The following CSMD1 variants were observed in gnomAD, a reference collection of about 807,000 sequenced individuals.
CSMD1 encodes the protein CUB and sushi domain-containing protein 1.
CSMD1 carries 213 observed loss-of-function variants against 417.5 expected under a neutral mutation model. The ratio of observed to expected loss-of-function variants is 0.51; its 90% CI spans 0.46 to 0.57. The LOEUF is 0.57. CSMD1 is among the 20% of genes least tolerant of loss of function. CSMD1 has a pLI of 0.00. For synonymous variants in CSMD1, 2,862 were observed against 1,736.8 expected (o/e 1.65, Z -16.11); for missense variants, 6,923 against 4,529.7 (o/e 1.53, Z -15.17).
intron 3 of CSMD1, among the ~76,000 whole-genome samples, chr8:4,102,670 A>C (rs757217969): frequency 1.1e-4 from 17 of 152,184 alleles, no homozygotes; most frequent in Non-Finnish European, 2.1e-4. Context: ...TAAATACTCC[A>C]ATATTCAGGA....
intron 26 of CSMD1, among the ~76,000 whole-genome samples, chr8:3,256,955 A>G (rs914213237): frequency 3.3e-5 from 5 of 152,262 alleles, no homozygotes; most frequent in African/African-American, 1.2e-4. Context: ...AAACTCAGTA[A>G]ATTGAGAAGA....
At chr8:3,374,731 T>A (rs1159962257) in intron 18 of CSMD1, among the ~76,000 whole-genome samples, 1 of 152,158 alleles carries the variant, frequency 6.6e-6, no homozygotes, top group Non-Finnish European at 1.5e-5. Context: ...GAGGTTTCTC[T>A]GCCAACTCAT....
At chr8:4,296,695 G>A (rs575512393) in intron 3 of CSMD1, among the ~76,000 whole-genome samples, 305 of 76,142 alleles carry the variant, frequency 4.0e-3, no homozygotes, top group African/African-American at 0.013. Context: ...CGAAAATAAG[G>A]GTTTTTTTTT....
At chr8:4,736,251 C>A (rs981226218) in intron 1 of CSMD1, among the ~76,000 whole-genome samples, 1 of 152,148 alleles carries the variant, frequency 6.6e-6, no homozygotes, top group African/African-American at 2.4e-5. Flanking sequence ...CGTAAAAGTT[C>A]TCACACTTTT....
intron 7 of CSMD1, among the ~76,000 whole-genome samples, chr8:3,668,019 C>G (rs1342411214): frequency 6.6e-6 from 1 of 152,178 alleles, no homozygotes; most frequent in African/African-American, 2.4e-5. Context: ...TCAGAGCAAG[C>G]TGGCTTCTCC....
In CSMD1 at chr8:3,600,700, C is replaced by T. The variant is rs528024868; in HGVS notation, c.1098-14440G>A. 9.0e-4 allele frequency among the ~76,000 whole-genome samples: 137 copies of T among 152,218 alleles called. 4 individuals are homozygous for T. In the South Asian group the frequency reaches 0.027, roughly 30 times the overall value. Reference sequence around the variant, plus strand: ...GGTCTAAAGCGAAAGTCTGCAGGGGCGGTAATTTTACTGAGGGATCCAGGC... The same window carrying T: ...GGTCTAAAGCGAAAGTCTGCAGGGGTGGTAATTTTACTGAGGGATCCAGGC... On this transcript the variant is annotated intron_variant, in intron 8 of 69. Transcript: ENST00000635120.
intron 3 of CSMD1, among the ~76,000 whole-genome samples, chr8:4,184,064 A>G (rs1176202014): frequency 6.6e-6 from 1 of 152,220 alleles, no homozygotes; most frequent in Non-Finnish European, 1.5e-5. Flanking sequence ...TCTACCCTGC[A>G]ATAATTAGCC....
At chr8:3,611,149 C>T (rs1801873167) in intron 8 of CSMD1, among the ~76,000 whole-genome samples, 1 of 151,304 alleles carries the variant, frequency 6.6e-6, no homozygotes, top group African/African-American at 2.4e-5. Flanking sequence ...GAGTTAATGG[C>T]TGCAGCACAC....
intron 5 of CSMD1, among the ~76,000 whole-genome samples, chr8:3,830,651 T>G (rs539167274): frequency 6.6e-6 from 1 of 152,268 alleles, no homozygotes; most frequent in Non-Finnish European, 1.5e-5. Context: ...AATATCAATG[T>G]GCCTAGGAAT....
At chr8:4,783,326 C>T (rs1299495172) in intron 1 of CSMD1, among the ~76,000 whole-genome samples, 1 of 152,112 alleles carries the variant, frequency 6.6e-6, no homozygotes, top group African/African-American at 2.4e-5. Flanking sequence ...CAGAGTGCCC[C>T]AAGACCCGCA....
chr8:4,496,228 A>T (rs963008778), intron 2 of CSMD1, among the ~76,000 whole-genome samples: 10 of 152,208 alleles, frequency 6.6e-5, no homozygotes, highest in Non-Finnish European at 2.9e-5. Context: ...AAAGAGAAAA[A>T]AACAACCTGA....
At chr8:3,387,870 G>C (rs896417723) in intron 17 of CSMD1, among the ~76,000 whole-genome samples, 188 bp from the exon 18 acceptor site, 2 of 152,172 alleles carry the variant, frequency 1.3e-5, no homozygotes, top group Non-Finnish European at 2.9e-5. Flanking sequence ...TTTTTTAAAA[G>C]AGAGATTTAT....
In CSMD1 at chr8:4,045,899, T is replaced by C. The variant is rs545874290; in HGVS notation, c.416-13800A>G. ...ATTAGAGTTTTTATGTCTATGCTGG[T>C]GAACACACACAGGTATTACATATTT... On this transcript the variant is annotated intron_variant, in intron 3 of 69. Coordinates refer to ENST00000635120, the MANE Select transcript of CSMD1 (RefSeq NM_033225.6). 3.6e-4 allele frequency among the ~76,000 whole-genome samples: 55 copies of C among 152,192 alleles called. No homozygotes were observed. In the South Asian group the frequency reaches 6.4e-3, roughly 18 times the overall value.
At chr8:3,202,333 G>A (rs1247622029) in intron 31 of CSMD1, among the ~76,000 whole-genome samples, 2 of 152,138 alleles carry the variant, frequency 1.3e-5, no homozygotes, top group African/African-American at 4.8e-5. Flanking sequence ...TTAATACGTT[G>A]CCGTATTCAT....
At chr8:4,183,278 A>G (rs903143225) in intron 3 of CSMD1, among the ~76,000 whole-genome samples, 2 of 152,222 alleles carry the variant, frequency 1.3e-5, no homozygotes, top group Non-Finnish European at 2.9e-5. Flanking sequence ...ATTCTGTAAA[A>G]AAATATTTAC....
intron 2 of CSMD1, among the ~76,000 whole-genome samples, chr8:4,594,365 A>G (rs1460574165): frequency 6.6e-6 from 1 of 151,704 alleles, no homozygotes; most frequent in African/African-American, 2.4e-5. Context: ...ATGCCTGGCT[A>G]ATTTTTGTAT....
At chr8:4,361,869 T>A (rs528815378) in intron 3 of CSMD1, among the ~76,000 whole-genome samples, 2 of 152,112 alleles carry the variant, frequency 1.3e-5, no homozygotes, top group African/African-American at 4.8e-5. Context: ...GCAGAAGAAT[T>A]GCTTGAACCC....
At position 4,471,645 on chromosome 8, in the gene CSMD1, G is replaced by C. The variant is rs368773690; in HGVS notation, c.303-51580C>G. Among the ~76,000 whole-genome samples, 46 of 152,240 alleles carry C rather than the reference G, an allele frequency of 3.0e-4. 3 individuals are homozygous for C. In the South Asian group the frequency reaches 8.5e-3, roughly 28 times the overall value. On this transcript the variant is annotated intron_variant, in intron 2 of 69. Coordinates refer to ENST00000635120, the MANE Select transcript of CSMD1 (RefSeq NM_033225.6). ...TAACTCTGCGGCGACTGGTTGGAAA[G>C]AACTGGGAATGCTCACCCTGGTTGA...
At position 3,016,871 on chromosome 8, in the gene CSMD1, C is replaced by A. The variant is rs532652318; in HGVS notation, c.8029+1606G>T. On this transcript the variant is annotated intron_variant, in intron 52 of 69. Coordinates refer to ENST00000635120, the MANE Select transcript of CSMD1 (RefSeq NM_033225.6). ...TTTGGGGGCATCTCCAGGCAGCCAACTATTCAACATTTATCTCATCCTTTC... is the reference window on the plus strand; with the variant it reads ...TTTGGGGGCATCTCCAGGCAGCCAAATATTCAACATTTATCTCATCCTTTC... 1.5e-4 allele frequency among the ~76,000 whole-genome samples: 23 copies of A among 152,292 alleles called. No individual in the cohort carries two copies. The East Asian group carries it at 4.2e-3, about 28-fold the overall frequency.
Sources: gnomAD v4.1 joint callset for allele counts (sites outside exome capture counted in the v4.1 genomes callset) on GRCh38, gnomAD v4.1.1 for gene constraint, MANE v1.5 for transcripts, NCBI Gene and HGNC (gene_info 2026-07-23, HGNC 2026-07-21) for gene names.